DAZAP2: variants seen among roughly 807,000 people sequenced by gnomAD.
DAZAP2 encodes DAZ associated protein 2.
DAZAP2 carries 3 observed loss-of-function variants against 16.2 expected under a neutral mutation model. The observed-to-expected ratio is 0.19, with a 90% confidence interval of 0.08 to 0.48. The LOEUF (loss-of-function observed/expected upper bound fraction) is 0.48, where lower values mean the gene tolerates loss of function less well. DAZAP2 is among the 20% of genes least tolerant of loss of function. The pLI, the probability that DAZAP2 is intolerant of heterozygous loss-of-function variation, is 0.98. For missense variants in DAZAP2, 172 were observed against 215.9 expected, an observed-to-expected ratio of 0.80 and a Z score of 1.27; for synonymous variants, 69 against 77.6, an observed-to-expected ratio of 0.89 and a Z score of 0.58.
Position 51,241,058 on chromosome 12 carries a change from A to G in DAZAP2, c.320A>G (p.Glu107Gly). Residue 107 changes from glutamate to glycine, a missense_variant, in exon 3 of 4, where the codon GAA becomes GGA. Coordinates refer to ENST00000412716, the MANE Select transcript of DAZAP2 (RefSeq NM_014764.4). ...IYPPGSTVLV[E>G]GGYDAGARFG... is the part of the protein sequence containing the mutation. ...CCACCTGGCTCCACAGTGCTGGTGGAAGGAGGGTATGATGCAGGTGCCAGA... is the reference window on the plus strand; with the variant it reads ...CCACCTGGCTCCACAGTGCTGGTGGGAGGAGGGTATGATGCAGGTGCCAGA... 1 of 1,614,156 alleles carries G rather than the reference A, an allele frequency of 6.2e-7. No homozygotes were observed. The highest frequency in any genetic ancestry group is 8.5e-7 in the Non-Finnish European group (1 of 1,180,020).
intron 1 of DAZAP2, chr12:51,239,141 T>C: frequency 1.6e-6 from 1 of 615,930 alleles, no homozygotes; most frequent in Non-Finnish European, 2.7e-6. Flanking sequence ...GTGGCGCAGT[T>C]TGGAGCTGCG....
In DAZAP2 at chr12:51,242,637, A is replaced by G. The variant is rs1479147558; in HGVS notation, c.*179A>G. On this transcript the variant is annotated 3_prime_UTR_variant, in exon 4 of 4. Coordinates refer to ENST00000412716, the MANE Select transcript of DAZAP2 (RefSeq NM_014764.4). Reference sequence around the variant, plus strand: ...ATTTAATAAGGAACCATGTAATGGTAGCAGTACCTCCCTAAAGCATTTTGA... The same window carrying G: ...ATTTAATAAGGAACCATGTAATGGTGGCAGTACCTCCCTAAAGCATTTTGA... 2.6e-6 allele frequency: 4 copies of G among 1,556,622 alleles called. No individual in the cohort carries two copies. The highest frequency in any genetic ancestry group is 8.7e-7 in the Non-Finnish European group (1 of 1,149,766).
intron 1 of DAZAP2, chr12:51,239,359 C>T (rs1438493801): frequency 5.5e-6 from 1 of 180,750 alleles, no homozygotes; most frequent in Non-Finnish European, 1.2e-5. Flanking sequence ...CCCTTCGCAC[C>T]CCCTCGCCCT....
intron 3 of DAZAP2, among the ~76,000 whole-genome samples, chr12:51,241,555 T>C (rs1362352557): frequency 6.6e-6 from 1 of 152,210 alleles, no homozygotes; most frequent in East Asian, 1.9e-4. Context: ...CATTTTTTCC[T>C]ACTTAATTCC....
In DAZAP2 at chr12:51,243,837, T is replaced by C; in HGVS notation, c.*1379T>C. The C allele has an allele frequency of 2.0e-6, 2 of 984,610 alleles. No homozygotes were observed. The highest frequency in any genetic ancestry group is 2.4e-6 in the Non-Finnish European group (2 of 829,120). The allele number at this position is 984,610 out of a possible 1,614,324, so 61.0% of individuals were successfully genotyped here. A position where few individuals can be genotyped will look rare whatever the true frequency, so the allele number is the denominator to read the frequency against. ...CTTGTTTTTAGATTTCTTCTATATA[T>C]ATTTTATTTATATCCCATCTAGAAT... On this transcript the variant is annotated 3_prime_UTR_variant, in exon 4 of 4. Coordinates refer to ENST00000412716, the MANE Select transcript of DAZAP2 (RefSeq NM_014764.4).
chr12:51,242,538 T>C lies in DAZAP2; in HGVS notation c.*80T>C, dbSNP rs190665763. 2 of 1,613,058 alleles carry C rather than the reference T, an allele frequency of 1.2e-6. No individual in the cohort carries two copies. Among genetic ancestry groups the C allele is most frequent in the South Asian group, 2.2e-5 (2 of 91,040 alleles). ...CACAATGTAACTGCTTTAGTCATATTAACCTGAAGTTGCAGTTTAGACACA... is the reference window on the plus strand; with the variant it reads ...CACAATGTAACTGCTTTAGTCATATCAACCTGAAGTTGCAGTTTAGACACA... On this transcript the variant is annotated 3_prime_UTR_variant, in exon 4 of 4. Coordinates refer to ENST00000412716, the MANE Select transcript of DAZAP2 (RefSeq NM_014764.4).
chr12:51,240,381 C>T lies in DAZAP2; in HGVS notation c.52C>T (p.Pro18Ser), dbSNP rs753525664. The T allele has an allele frequency of 6.2e-6, 10 of 1,613,996 alleles. No individual in the cohort carries two copies. The South Asian group carries it at 1.1e-4, about 18-fold the overall frequency. The change falls in exon 2 of 4, where the codon CCT becomes TCT. Residue 18 changes from proline to serine, a missense_variant. Pro to Ser is a moderately conservative substitution (Grantham distance 74). Transcript: ENST00000412716. ...ACAGCCAACCTACCCTGTGCAGCCTCCTGGGAATCCAGTATACCCTCAGAC... is the reference window on the plus strand; with the variant it reads ...ACAGCCAACCTACCCTGTGCAGCCTTCTGGGAATCCAGTATACCCTCAGAC... ...PTQPTYPVQPPGNPVYPQTLH... is the reference protein window; with the variant it reads ...PTQPTYPVQPSGNPVYPQTLH...
At chr12:51,244,229 C>T (rs1233370419), downstream of DAZAP2, among the ~76,000 whole-genome samples, 1 of 152,098 alleles carries the variant, frequency 6.6e-6, no homozygotes, top group Non-Finnish European at 1.5e-5. Flanking sequence ...GACAGGGTCT[C>T]CCTCTGTCAC....
chr12:51,239,248 A>G (rs1944616091), intron 1 of DAZAP2: 2 of 312,030 alleles, frequency 6.4e-6, no homozygotes, highest in Non-Finnish European at 1.2e-5. Context: ...GAGCCGGCGG[A>G]GGCGGGGCGC....
chr12:51,244,683 G>C (rs1322695711), downstream of DAZAP2: 1 of 152,072 alleles, frequency 6.6e-6, no homozygotes, highest in Non-Finnish European at 1.5e-5. Flanking sequence ...GAAGCTTCTT[G>C]GCTTGATTCT....
chr12:51,244,322 G>A (rs533462272), downstream of DAZAP2, among the ~76,000 whole-genome samples: 2 of 152,208 alleles, frequency 1.3e-5, no homozygotes, highest in African/African-American at 4.8e-5. Context: ...TCAGCCTCCT[G>A]AGTAGCTGGG....
chr12:51,246,604 C>CTGTG (rs59561227), downstream of DAZAP2: 126,271 of 335,044 alleles, frequency 0.38, 17,285 homozygotes, highest in Non-Finnish European at 0.42. Context: ...TCTTTTATGG[C>CTGTG]TGTGTGTGTG....
Position 51,242,322 on chromosome 12 carries a change from C to T in DAZAP2, c.379-8C>T. The T allele has an allele frequency of 6.3e-7, 1 of 1,578,854 alleles. No homozygotes were observed. The highest frequency in any genetic ancestry group is 8.6e-7 in the Non-Finnish European group (1 of 1,163,074). On this transcript the variant is annotated splice_polypyrimidine_tract_variant and splice_region_variant and intron_variant, in intron 3 of 3. Coordinates refer to ENST00000412716, the MANE Select transcript of DAZAP2 (RefSeq NM_014764.4). ...CTGTGCCCATTCTATCATGTCATTT[C>T]CTTTCAGCCTCCACCTCCTGGATGC...
Position 51,243,429 on chromosome 12 carries a change from C to G in DAZAP2, c.*971C>G. ...AGAGTGTCTGATGCGGCCACTCATT[C>G]GGCTCCCCAGAATTCCTAGACTGGG... On this transcript the variant is annotated 3_prime_UTR_variant, in exon 4 of 4. Transcript: ENST00000412716. 1.0e-6 allele frequency: 1 copy of G among 985,750 alleles called. No homozygotes were observed. The highest frequency in any genetic ancestry group is 1.2e-6 in the Non-Finnish European group (1 of 829,934). 61.1% of individuals were successfully genotyped at this position (985,750 alleles called of 1,614,324 possible).
Position 51,243,780 on chromosome 12 carries a change from A to G in DAZAP2, c.*1322A>G, listed in dbSNP as rs751449021. On this transcript the variant is annotated 3_prime_UTR_variant, in exon 4 of 4. Coordinates refer to ENST00000412716, the MANE Select transcript of DAZAP2 (RefSeq NM_014764.4). ...GATTTGAATAAAGTGATGAAGTTGCATTACACCTCACTGCAAGGATTCTTT... is the reference window on the plus strand; with the variant it reads ...GATTTGAATAAAGTGATGAAGTTGCGTTACACCTCACTGCAAGGATTCTTT... 2.5e-5 allele frequency: 25 copies of G among 985,516 alleles called. No individual in the cohort carries two copies. The highest frequency in any genetic ancestry group is 6.2e-5 in the Admixed American group (1 of 16,258). The allele number at this position is 985,516 out of a possible 1,614,324, so 61.0% of individuals were successfully genotyped here.
At position 51,238,852 on chromosome 12, in the gene DAZAP2, G is replaced by A. The variant is rs562689855; in HGVS notation, c.-56G>A. On this transcript the variant is annotated 5_prime_UTR_variant, in exon 1 of 4. Transcript: ENST00000412716. ...ACACGGAAGTAGCTCCGAACAGGAAGAGGACGAAAAAAATAACCGTCCGCG... is the reference window on the plus strand; with the variant it reads ...ACACGGAAGTAGCTCCGAACAGGAAAAGGACGAAAAAAATAACCGTCCGCG... 5.6e-5 allele frequency: 90 copies of A among 1,612,202 alleles called. No homozygotes were observed. In the African/African-American group the frequency reaches 9.7e-4, roughly 17 times the overall value.
rs1412169355 is a variant in DAZAP2 at position 51,240,815 on chromosome 12, A to C, written c.133-56A>C. 39 of 1,585,116 alleles carry C rather than the reference A, an allele frequency of 2.5e-5. No homozygotes were observed. In the Admixed American group the frequency reaches 3.1e-4, roughly 13 times the overall value. ...AATTAAGAATTAGCTCATTAAAGAG[A>C]TCTCAAATAGGAATGTCATAAAGTA... On this transcript the variant is annotated intron_variant, in intron 2 of 3. Transcript: ENST00000412716.
Position 51,240,940 on chromosome 12 carries a change from G to C in DAZAP2, c.202G>C (p.Ala68Pro). ...CACCATGTCAGCCGCATTTCCTGGA[G>C]CCTCTCTGTATCTTCCCATGGCCCA... ...VPTMSAAFPG[A>P]SLYLPMAQSV... The change falls in exon 3 of 4, where the codon GCC (alanine) becomes CCC (proline). Residue 68 changes from alanine to proline, a missense_variant. By Grantham distance (27) the Ala-to-Pro change is conservative (BLOSUM62 -1). Coordinates refer to ENST00000412716, the MANE Select transcript of DAZAP2 (RefSeq NM_014764.4). The C allele has an allele frequency of 6.2e-7, 1 of 1,614,206 alleles. No homozygotes were observed.
downstream of DAZAP2, chr12:51,246,114 T>C: frequency 6.2e-7 from 1 of 1,613,840 alleles, no homozygotes; most frequent in South Asian, 1.1e-5. Flanking sequence ...ACAACGGTGA[T>C]AACAACTTGG....
Sources: allele counts gnomAD v4.1 joint callset (sites outside exome capture counted in the v4.1 genomes callset), GRCh38; gene constraint gnomAD v4.1.1; transcripts MANE v1.5; gene names NCBI Gene and HGNC (gene_info 2026-07-23, HGNC 2026-07-21).